The following PCDHA5 variants were observed in gnomAD, a reference collection of about 807,000 sequenced individuals.
PCDHA5 encodes the protein protocadherin alpha 5.
PCDHA5 carries 43 observed loss-of-function variants against 61.6 expected under a neutral mutation model. That is an observed-to-expected ratio of 0.70 (90% CI 0.55 to 0.90). PCDHA5 has a LOEUF of 0.90. Among genes scored for constraint, PCDHA5 ranks in the 40% least tolerant of loss-of-function variants. PCDHA5 has a pLI of 0.00. For missense variants in PCDHA5, 1,298 were observed against 1,222.7 expected, an observed-to-expected ratio of 1.06 and a Z score of -0.92; for synonymous variants, 627 against 543.9, an observed-to-expected ratio of 1.15 and a Z score of -2.13.
intron 1 of PCDHA5, chr5:140,877,883 A>T: frequency 1.4e-6 from 2 of 1,460,312 alleles, no homozygotes; most frequent in East Asian, 2.5e-5. Context: ...TCCTTGAAGA[A>T]CTTCCGTTTA....
chr5:140,824,296 G>C, intron 1 of PCDHA5, 169 bp downstream of exon 1: 1 of 897,790 alleles, frequency 1.1e-6, no homozygotes. Flanking sequence ...AGGCTTTTCT[G>C]CTGGGGTAAT....
At chr5:140,964,802 GA>G (rs1187447949) in intron 1 of PCDHA5, among the ~76,000 whole-genome samples, 2 of 151,946 alleles carry the variant, frequency 1.3e-5, no homozygotes, top group African/African-American at 4.8e-5. Context: ...CCCAAGAAAG[GA>G]GACAGGAATA....
chr5:140,822,161 C>G lies in PCDHA5; in HGVS notation c.386C>G (p.Pro129Arg). ...EVAVKDINDNPPRFSRQEQRL... is the reference protein window; with the variant it reads ...EVAVKDINDNRPRFSRQEQRL... ...GCAGTGAAGGACATCAATGACAATC[C>G]GCCCAGGTTCTCCAGACAAGAACAA... is the stretch of plus-strand genomic sequence containing the variant. Residue 129 changes from proline to arginine, a missense_variant, in exon 1 of 4, where the codon CCG becomes CGG. By Grantham distance (103) the Pro-to-Arg change is moderately radical. Coordinates refer to ENST00000529859, the MANE Select transcript of PCDHA5 (RefSeq NM_018908.3). The G allele has an allele frequency of 6.2e-7, 1 of 1,614,240 alleles. No homozygotes were observed. The highest frequency in any genetic ancestry group is 8.5e-7 in the Non-Finnish European group (1 of 1,180,048).
intron 1 of PCDHA5, chr5:140,847,657 A>C (rs1362536934): frequency 3.3e-5 from 5 of 149,954 alleles, no homozygotes; most frequent in South Asian, 2.1e-4. Context: ...TTATTCATAG[A>C]TTATAAAGCT....
chr5:140,871,553 GT>G lies in PCDHA5; in HGVS notation c.2352+47434del, dbSNP rs555355563. 1.1e-3 allele frequency: 1,577 copies of G among 1,491,202 alleles called. 1 individual carries two copies. The highest frequency in any genetic ancestry group is 2.7e-3 in the Middle Eastern group (15 of 5,580). 92.4% of individuals were successfully genotyped at this position (1,491,202 alleles called of 1,614,324 possible). On this transcript the variant is annotated intron_variant, in intron 1 of 3. Transcript: ENST00000529859. ...TGTATGTGAAATTATTTAAAATCCA[GT>G]TTTTTTTCACGGATTTTTTAAGGGA...
At chr5:140,889,113 G>C (rs1256051132) in intron 1 of PCDHA5, among the ~76,000 whole-genome samples, 1 of 151,370 alleles carries the variant, frequency 6.6e-6, no homozygotes, top group East Asian at 1.9e-4. Context: ...TTTATTCCAG[G>C]TGATACTGAT....
chr5:140,843,109 A>C (rs2150352812), intron 1 of PCDHA5: 9 of 1,595,800 alleles, frequency 5.6e-6, no homozygotes, highest in Non-Finnish European at 6.9e-6. Flanking sequence ...AGGTGCGCGC[A>C]GTGGACGCCG....
At chr5:140,860,143 GTA>G (rs1352808505) in intron 1 of PCDHA5, 2 of 148,758 alleles carry the variant, frequency 1.3e-5, no homozygotes, top group Non-Finnish European at 3.0e-5. Flanking sequence ...GTATATATAT[GTA>G]TATATGTGTA....
At chr5:140,891,889 G>C (rs1319520907) in intron 1 of PCDHA5, among the ~76,000 whole-genome samples, 1 of 152,224 alleles carries the variant, frequency 6.6e-6, no homozygotes, top group Non-Finnish European at 1.5e-5. Context: ...ATGTGACGAT[G>C]CAGCAAGAAG....
intron 1 of PCDHA5, among the ~76,000 whole-genome samples, chr5:140,898,901 T>C (rs1196685970): frequency 7.9e-5 from 12 of 152,172 alleles, no homozygotes; most frequent in Admixed American, 7.9e-4. Context: ...GAAGAGGTCC[T>C]TCACGTCCCT....
chr5:140,937,317 G>C (rs1282380622), intron 1 of PCDHA5, among the ~76,000 whole-genome samples: 1 of 152,048 alleles, frequency 6.6e-6, no homozygotes, highest in Non-Finnish European at 1.5e-5. Context: ...GATTACAGGC[G>C]TGAGCCACCG....
Position 140,999,346 on chromosome 5 carries a change from T to C in PCDHA5, c.2501-10281T>C, listed in dbSNP as rs115221132. ...ATCTGTGTGATTTATAAGCCTTGTC[T>C]CTTTTTAATGTTCACAATCCCATTA... On this transcript the variant is annotated intron_variant, in intron 3 of 3. Transcript: ENST00000529859. Among the ~76,000 whole-genome samples the C allele has an allele frequency of 2.6e-3, 399 of 152,360 alleles. 2 individuals are homozygous for C. In the Middle Eastern group the frequency reaches 0.041, roughly 16 times the overall value.
intron 1 of PCDHA5, chr5:140,927,797 C>T (rs1554205063): frequency 6.2e-7 from 1 of 1,614,196 alleles, no homozygotes; most frequent in Non-Finnish European, 8.5e-7. Context: ...CTAGGTCCGC[C>T]TGAAACGCTC....
intron 3 of PCDHA5, among the ~76,000 whole-genome samples, chr5:140,994,980 C>A (rs1311252472): frequency 4.6e-5 from 7 of 151,992 alleles, no homozygotes; most frequent in Admixed American, 1.3e-4. Flanking sequence ...CCATGGAGAC[C>A]CACTAGAAGG....
intron 1 of PCDHA5, chr5:140,856,337 C>A (rs782782390): frequency 1.3e-6 from 2 of 1,598,382 alleles, no homozygotes; most frequent in Non-Finnish European, 1.7e-6. Flanking sequence ...GCTGTGCGGG[C>A]GGAGCGTGGA....
chr5:140,835,753 A>G, intron 1 of PCDHA5: 1 of 1,613,416 alleles, frequency 6.2e-7, no homozygotes, highest in Non-Finnish European at 8.5e-7. Context: ...GCGTTCGCGC[A>G]GCCCGAGTAT....
rs1554164263 is a variant in PCDHA5, at chr5:140,870,437, C to T, written c.2352+46310C>T. ...ACGGCCAGGGTATCCGTGGAGGTGG[C>T]CGACGTGAACGACAATGCGCCTGCG... On this transcript the variant is annotated intron_variant, in intron 1 of 3. Transcript: ENST00000529859. 3.1e-6 allele frequency: 5 copies of T among 1,614,210 alleles called. No homozygotes were observed. In the East Asian group the frequency reaches 1.1e-4, roughly 36 times the overall value.
chr5:140,952,658 C>T (rs2094779074), intron 1 of PCDHA5, among the ~76,000 whole-genome samples: 1 of 152,196 alleles, frequency 6.6e-6, no homozygotes. Flanking sequence ...TACCCAGTTC[C>T]AAAGTCACTT....
chr5:140,949,528 A>G (rs2094388709), intron 1 of PCDHA5, among the ~76,000 whole-genome samples: 1 of 151,854 alleles, frequency 6.6e-6, no homozygotes, highest in Non-Finnish European at 1.5e-5. Context: ...TTTTATCTTC[A>G]TAAAATATCG....
Sources: allele counts gnomAD v4.1 joint callset (sites outside exome capture counted in the v4.1 genomes callset), GRCh38; gene constraint gnomAD v4.1.1; transcripts MANE v1.5; gene names NCBI Gene and HGNC (gene_info 2026-07-23, HGNC 2026-07-21).